The following HHAT variants were observed in gnomAD, a reference collection of about 807,000 sequenced individuals.
HHAT encodes hedgehog acyltransferase.
A neutral mutation model predicts 70.8 loss-of-function variants in HHAT; 47 were observed. That is an observed-to-expected ratio of 0.66 (90% CI 0.53 to 0.85). The LOEUF (loss-of-function observed/expected upper bound fraction) is 0.85. HHAT is among the 40% of genes least tolerant of loss of function. HHAT has a pLI of 0.00. For synonymous variants in HHAT, 228 were observed against 247.6 expected, an observed-to-expected ratio of 0.92 and a Z score of 0.74; for missense variants, 609 against 604.8, an observed-to-expected ratio of 1.01 and a Z score of -0.07.
chr1:210,623,571 C>T lies in HHAT; in HGVS notation c.1291C>T (p.Leu431Phe), dbSNP rs772132903. The T allele has an allele frequency of 5.6e-6, 9 of 1,614,094 alleles. No individual in the cohort carries two copies. In the East Asian group the frequency reaches 1.6e-4, roughly 28 times the overall value. ...PQARRRFHAA[L>F]ASCSTSMLIL... ...AGCTCGCCGTCGATTCCACGCTGCC[C>T]TTGCTTCTTGTTCCACCTCGATGCT... The change falls in exon 11 of 12, where the codon CTT (leucine) becomes TTT (phenylalanine). Residue 431 changes from leucine to phenylalanine, a missense_variant. Coordinates refer to ENST00000261458, the MANE Select transcript of HHAT (RefSeq NM_018194.6).
intron 11 of HHAT, among the ~76,000 whole-genome samples, chr1:210,673,163 G>A (rs760087937): frequency 2.0e-5 from 3 of 151,966 alleles, no homozygotes; most frequent in Admixed American, 6.6e-5. Flanking sequence ...GGCTGCTGGC[G>A]CCTTCCTGTC....
chr1:210,433,624 A>G (rs1226455100), intron 7 of HHAT, among the ~76,000 whole-genome samples: 1 of 151,818 alleles, frequency 6.6e-6, no homozygotes, highest in Admixed American at 6.5e-5. Context: ...ACTCCCTGGG[A>G]TTGAGAGGAC....
intron 11 of HHAT, among the ~76,000 whole-genome samples, chr1:210,657,764 G>T (rs1012499267): frequency 1.3e-5 from 2 of 152,144 alleles, no homozygotes; most frequent in Non-Finnish European, 2.9e-5. Context: ...TGTGTGGAGT[G>T]CATTCCTGCC....
chr1:210,526,367 G>GTTTTGTTTTGTTTTGTTTTTTTT, intron 9 of HHAT, among the ~76,000 whole-genome samples: 71 of 142,416 alleles, frequency 5.0e-4, no homozygotes, highest in Admixed American at 4.4e-3. Context: ...AGTGGGTTCT[G>GTTTTGTTTTGTTTTGTTTTTTTT]TTTTTTTTTT....
intron 9 of HHAT, among the ~76,000 whole-genome samples, chr1:210,539,221 G>A (rs958050892): frequency 6.6e-6 from 1 of 152,194 alleles, no homozygotes; most frequent in African/African-American, 2.4e-5. Flanking sequence ...TAGGACATCT[G>A]CCTGGCAATA....
At chr1:210,340,242 G>GGGGT (rs1553313987) in intron 1 of HHAT, among the ~76,000 whole-genome samples, 1 of 99,784 alleles carries the variant, frequency 1.0e-5, no homozygotes, top group Non-Finnish European at 2.1e-5. Context: ...CTCTGTCTCA[G>GGGGT]AAAAAAAAAA....
rs1402554867 is a variant in HHAT at position 210,444,354 on chromosome 1, G to A, written c.857-20151G>A. Among the ~76,000 whole-genome samples, 4 of 141,384 alleles carry A rather than the reference G, an allele frequency of 2.8e-5. No homozygotes were observed. In the South Asian group the frequency reaches 9.8e-4, roughly 35 times the overall value. 92.8% of individuals were successfully genotyped at this position (141,384 alleles called of 152,430 possible). ...TCGCTTTGGTATCAGAATGATGCTG[G>A]CCTCATAAAATGAGTTAAGGAGGAT... On this transcript the variant is annotated intron_variant, in intron 7 of 11. Coordinates refer to ENST00000261458, the MANE Select transcript of HHAT (RefSeq NM_018194.6).
chr1:210,672,366 T>G lies in HHAT; in HGVS notation c.1391-1922T>G. Reference sequence around the variant, plus strand: ...TACCACTGTCTGTCTGCCTGCCTCCTCCCTATGCAGCAGCCACGTCACATG... The same window carrying G: ...TACCACTGTCTGTCTGCCTGCCTCCGCCCTATGCAGCAGCCACGTCACATG... On this transcript the variant is annotated intron_variant, in intron 11 of 11. Transcript: ENST00000261458. Among the ~76,000 whole-genome samples the G allele has an allele frequency of 1.3e-5, 2 of 152,186 alleles. 1 individual carries two copies. Among genetic ancestry groups the G allele is most frequent in the Non-Finnish European group, 2.9e-5 (2 of 68,040 alleles).
chr1:210,602,647 G>A lies in HHAT; in HGVS notation c.1245+14548G>A, dbSNP rs184359676. On this transcript the variant is annotated intron_variant, in intron 10 of 11. Coordinates refer to ENST00000261458, the MANE Select transcript of HHAT (RefSeq NM_018194.6). ...AAACCACTTAACCAAACAGGAGAGCGTTAAATTAACATATTAATCCCACAC... is the reference window on the plus strand; with the variant it reads ...AAACCACTTAACCAAACAGGAGAGCATTAAATTAACATATTAATCCCACAC... Among the ~76,000 whole-genome samples, 269 of 152,230 alleles carry A rather than the reference G, an allele frequency of 1.8e-3. 2 individuals carry two copies. The highest frequency in any genetic ancestry group is 5.4e-3 in the African/African-American group (226 of 41,526).
intron 8 of HHAT, among the ~76,000 whole-genome samples, chr1:210,498,245 ATAC>A (rs2094688564): frequency 6.6e-6 from 1 of 152,220 alleles, no homozygotes; most frequent in Non-Finnish European, 1.5e-5. Flanking sequence ...TATGCAAATG[ATAC>A]TACTTTTCTT....
chr1:210,372,780 GTT>G (rs56121731), intron 3 of HHAT, among the ~76,000 whole-genome samples: 3 of 140,234 alleles, frequency 2.1e-5, no homozygotes, highest in African/African-American at 2.6e-5. Flanking sequence ...CAAGGGAGGT[GTT>G]TTTTTTTTTT....
intron 10 of HHAT, among the ~76,000 whole-genome samples, chr1:210,595,069 C>G (rs1261710486): frequency 1.3e-5 from 2 of 152,096 alleles, no homozygotes; most frequent in Admixed American, 6.5e-5. Flanking sequence ...CATGCATTAA[C>G]TCATCATTTA....
At chr1:210,448,102 T>C (rs2148384895) in intron 7 of HHAT, among the ~76,000 whole-genome samples, 1 of 146,970 alleles carries the variant, frequency 6.8e-6, no homozygotes. Flanking sequence ...TTTTTTGAGA[T>C]GAAGTCTCGT....
At chr1:210,454,020 A>C (rs2093810091) in intron 7 of HHAT, among the ~76,000 whole-genome samples, 2 of 152,222 alleles carry the variant, frequency 1.3e-5, no homozygotes, top group Admixed American at 1.3e-4. Flanking sequence ...ATGAGGAAGA[A>C]GCAAAAGCAG....
At chr1:210,566,840 A>G (rs990646246) in intron 9 of HHAT, among the ~76,000 whole-genome samples, 3 of 152,240 alleles carry the variant, frequency 2.0e-5, no homozygotes, top group African/African-American at 7.2e-5. Flanking sequence ...AGCTTGGGAT[A>G]CAGAAAGCTG....
upstream of HHAT, among the ~76,000 whole-genome samples, chr1:210,327,546 C>T (rs1195684216): frequency 6.6e-6 from 1 of 152,176 alleles, no homozygotes; most frequent in African/African-American, 2.4e-5. Flanking sequence ...GGCTCAGTCA[C>T]CCAGGTTGGA....
At chr1:210,339,517 T>C (rs2085813675) in intron 1 of HHAT, among the ~76,000 whole-genome samples, 1 of 152,188 alleles carries the variant, frequency 6.6e-6, no homozygotes, top group African/African-American at 2.4e-5. Context: ...TAAGGGATGT[T>C]GCACCTCTTG....
chr1:210,499,221 C>T (rs1433641506), intron 8 of HHAT, among the ~76,000 whole-genome samples: 1 of 152,210 alleles, frequency 6.6e-6, no homozygotes, highest in Non-Finnish European at 1.5e-5. Context: ...TCATCCATGT[C>T]CCTCTGGTCT....
At chr1:210,461,581 C>T (rs897818604) in intron 7 of HHAT, among the ~76,000 whole-genome samples, 36 of 151,686 alleles carry the variant, frequency 2.4e-4, no homozygotes, top group African/African-American at 8.0e-4. Context: ...GGACTACAGG[C>T]GTGAGCCACC....
Sources: allele counts gnomAD v4.1 joint callset (sites outside exome capture counted in the v4.1 genomes callset), GRCh38; gene constraint gnomAD v4.1.1; transcripts MANE v1.5; gene names NCBI Gene and HGNC (gene_info 2026-07-23, HGNC 2026-07-21).